The following LRRC72 variants were observed in gnomAD, a reference collection of about 807,000 sequenced individuals.
LRRC72 encodes the protein leucine rich repeat containing 72, also known as leucine-rich repeat-containing protein 72.
LRRC72 carries 41 observed loss-of-function variants against 35.8 expected under a neutral mutation model. That is an observed-to-expected ratio of 1.15 (90% CI 0.89 to 1.49). The LOEUF is 1.49. Among genes scored for constraint, LRRC72 ranks in the 40% most tolerant of loss-of-function variants. The pLI, the probability that LRRC72 is intolerant of heterozygous loss-of-function variation, is 0.00. For missense variants in LRRC72, 389 were observed against 330.7 expected (o/e 1.18, Z -1.37); for synonymous variants, 118 against 119.2 (o/e 0.99, Z 0.07).
chr7:16,541,636 G>T (rs1463279000), intron 3 of LRRC72, among the ~76,000 whole-genome samples: 1 of 152,194 alleles, frequency 6.6e-6, no homozygotes, highest in Non-Finnish European at 1.5e-5. Context: ...ACTGCTGGCT[G>T]GGCACGGTGG....
chr7:16,565,429 C>CAAA (rs11284083), intron 5 of LRRC72, among the ~76,000 whole-genome samples: 96 of 115,364 alleles, frequency 8.3e-4, no homozygotes, highest in African/African-American at 2.3e-3. Flanking sequence ...AAGACTCTGT[C>CAAA]AAAAAAAAAA....
chr7:16,555,722 T>C (rs1311104155), intron 3 of LRRC72, among the ~76,000 whole-genome samples: 1 of 151,852 alleles, frequency 6.6e-6, no homozygotes, highest in African/African-American at 2.4e-5. Flanking sequence ...GAGGTTGCAG[T>C]GAGCTGAGAT....
rs556333148 is a variant in LRRC72 at position 16,575,807 on chromosome 7, T to C, written c.671-4267T>C. On this transcript the variant is annotated intron_variant, in intron 7 of 8. Coordinates refer to ENST00000401542, the MANE Select transcript of LRRC72 (RefSeq NM_001195280.2). ...GAGTCTTTAGATAGAAAATCTCCCC[T>C]CTTAAAAACAGCGAATGCACACAAT... Among the ~76,000 whole-genome samples, 3 of 152,280 alleles carry C rather than the reference T, an allele frequency of 2.0e-5. No homozygotes were observed. In the East Asian group the frequency reaches 5.8e-4, roughly 29 times the overall value.
chr7:16,559,725 A>G (rs1417633513), intron 5 of LRRC72, among the ~76,000 whole-genome samples: 1 of 151,980 alleles, frequency 6.6e-6, no homozygotes, highest in Non-Finnish European at 1.5e-5. Flanking sequence ...ACAGCTAGAG[A>G]GTAAAGGGTG....
intron 3 of LRRC72, among the ~76,000 whole-genome samples, chr7:16,554,046 C>T (rs546780074): frequency 9.2e-5 from 14 of 152,232 alleles, no homozygotes; most frequent in African/African-American, 1.7e-4. Context: ...TAACATTTTA[C>T]GGCCAGGTGC....
At chr7:16,563,076 C>T (rs1020005534) in intron 5 of LRRC72, among the ~76,000 whole-genome samples, 3 of 152,312 alleles carry the variant, frequency 2.0e-5, no homozygotes, top group African/African-American at 7.2e-5. Flanking sequence ...CTTCCTTCCA[C>T]AGGCCGTTCT....
At chr7:16,552,982 A>T (rs1411965056) in intron 3 of LRRC72, among the ~76,000 whole-genome samples, 2 of 152,334 alleles carry the variant, frequency 1.3e-5, no homozygotes, top group Middle Eastern at 6.8e-3. Flanking sequence ...TAAGATAATA[A>T]TATGCTCCTT....
intron 7 of LRRC72, among the ~76,000 whole-genome samples, chr7:16,571,263 T>G (rs1323861627): frequency 6.6e-6 from 1 of 152,086 alleles, no homozygotes; most frequent in Admixed American, 6.5e-5. Context: ...CCTGAAAAAT[T>G]TGTTCAGGCC....
intron 3 of LRRC72, among the ~76,000 whole-genome samples, chr7:16,544,628 A>G (rs751244312): frequency 1.4e-4 from 21 of 152,240 alleles, no homozygotes; most frequent in Non-Finnish European, 2.6e-4. Flanking sequence ...CCTATATTTT[A>G]CACAACAATT....
chr7:16,555,893 G>A (rs984655133), intron 3 of LRRC72, among the ~76,000 whole-genome samples: 7 of 151,996 alleles, frequency 4.6e-5, no homozygotes, highest in African/African-American at 1.2e-4. Context: ...TCAATAACTC[G>A]TTCATGAGAA....
chr7:16,576,605 A>G (rs1783044912), intron 7 of LRRC72, among the ~76,000 whole-genome samples: 1 of 152,226 alleles, frequency 6.6e-6, no homozygotes, highest in Admixed American at 6.5e-5. Flanking sequence ...ATGATAGCCA[A>G]TATTCTCAGA....
chr7:16,578,802 T>A (rs1440072444), intron 7 of LRRC72, among the ~76,000 whole-genome samples: 2 of 152,216 alleles, frequency 1.3e-5, no homozygotes, highest in Non-Finnish European at 2.9e-5. Context: ...GGAAATCCTG[T>A]CATTTTTTGA....
At chr7:16,567,242 G>A (rs1288193844) in intron 6 of LRRC72, 149 bp from the exon 7 acceptor site, 19 of 534,362 alleles carry the variant, frequency 3.6e-5, no homozygotes, top group South Asian at 1.9e-4. Flanking sequence ...GGAAATAAGC[G>A]TGATAGCCCC....
At chr7:16,572,095 G>A (rs1240998842) in intron 7 of LRRC72, among the ~76,000 whole-genome samples, 1 of 152,010 alleles carries the variant, frequency 6.6e-6, no homozygotes, top group African/African-American at 2.4e-5. Context: ...TCAGACTTCA[G>A]GACTAAACCA....
chr7:16,571,391 G>T (rs1162483782), intron 7 of LRRC72, among the ~76,000 whole-genome samples: 1 of 152,188 alleles, frequency 6.6e-6, no homozygotes, highest in Non-Finnish European at 1.5e-5. Context: ...ATTTACGGTT[G>T]TGGTGGCCGG....
intron 3 of LRRC72, among the ~76,000 whole-genome samples, chr7:16,541,449 GA>G (rs1204473501): frequency 1.3e-5 from 2 of 152,132 alleles, no homozygotes; most frequent in Non-Finnish European, 1.5e-5. Context: ...CAACTAAGTG[GA>G]AAATGGAAAA....
At chr7:16,539,178 T>C (rs964866243) in intron 3 of LRRC72, among the ~76,000 whole-genome samples, 3 of 152,180 alleles carry the variant, frequency 2.0e-5, no homozygotes, top group Admixed American at 6.5e-5. Flanking sequence ...GATAGTGATA[T>C]GGACAATGAG....
At chr7:16,544,675 G>A (rs1020229614) in intron 3 of LRRC72, among the ~76,000 whole-genome samples, 1 of 152,102 alleles carries the variant, frequency 6.6e-6, no homozygotes, top group Admixed American at 6.6e-5. Context: ...GACTTTGCTC[G>A]TTACTTCAAA....
chr7:16,529,438 GT>G (rs928775752), intron 1 of LRRC72, among the ~76,000 whole-genome samples: 6 of 151,980 alleles, frequency 3.9e-5, no homozygotes, highest in Non-Finnish European at 8.8e-5. Context: ...TGCAGATACT[GT>G]TTTTTGGGGT....
Sources: gnomAD v4.1 joint callset for allele counts (sites outside exome capture counted in the v4.1 genomes callset) on GRCh38, gnomAD v4.1.1 for gene constraint, MANE v1.5 for transcripts, NCBI Gene and HGNC (gene_info 2026-07-23, HGNC 2026-07-21) for gene names.